CIMAP1D: variants seen among roughly 807,000 people sequenced by gnomAD.
CIMAP1D encodes the protein CIMAP1 family member D.
the CIMAP1D span, among the ~76,000 whole-genome samples, chr19:476,398 C>T: frequency 1.3e-5 from 2 of 151,960 alleles, no homozygotes; most frequent in Admixed American, 1.3e-4. Context: ...CCATGTTGGC[C>T]AGGCTGGTTT....
At chr19:486,758 C>CA in the CIMAP1D span, among the ~76,000 whole-genome samples, 157 of 151,674 alleles carry the variant, frequency 1.0e-3, no homozygotes, top group African/African-American at 3.5e-3. Context: ...ACTAAAAATA[C>CA]AAAAAATTAG....
the CIMAP1D span, among the ~76,000 whole-genome samples, chr19:483,138 G>A: frequency 6.6e-6 from 1 of 152,048 alleles, no homozygotes; most frequent in South Asian, 2.1e-4. Context: ...GGCACCTCCA[G>A]ACCCATGCTG....
At chr19:472,604 A>C in the CIMAP1D span, 6 of 808,088 alleles carry the variant, frequency 7.4e-6, no homozygotes, top group Non-Finnish European at 9.2e-6. Context: ...CTCTCCCTCC[A>C]TGGTGAGGAT....
At chr19:463,718 C>G in the CIMAP1D span, 1 of 1,359,218 alleles carries the variant, frequency 7.4e-7, no homozygotes, top group Non-Finnish European at 9.9e-7. Context: ...AGGACCTGGA[C>G]AGTTCAGGAA....
At chr19:474,866 C>A in the CIMAP1D span, 2 of 834,808 alleles carry the variant, frequency 2.4e-6, no homozygotes, top group Non-Finnish European at 3.4e-6. Context: ...TCACCACACC[C>A]TCCCACGACC....
chr19:464,292 G>A, the CIMAP1D span: 40 of 1,541,934 alleles, frequency 2.6e-5, no homozygotes, highest in Admixed American at 4.2e-5. Context: ...GGTGAAAGCC[G>A]GCGGTGTCCG....
chr19:475,915 A>C, the CIMAP1D span, among the ~76,000 whole-genome samples: 1 of 148,428 alleles, frequency 6.7e-6, no homozygotes, highest in Non-Finnish European at 1.5e-5. Context: ...CTGAGATTAC[A>C]GGCACCCGCC....
At chr19:490,361 AAAAAG>A in the CIMAP1D span, 4 of 191,162 alleles carry the variant, frequency 2.1e-5, no homozygotes, top group East Asian at 4.2e-4. Flanking sequence ...CAGCTAAAAA[AAAAAG>A]AAAGAAAGAA....
At chr19:474,625 C>T in the CIMAP1D span, 1 of 1,562,952 alleles carries the variant, frequency 6.4e-7, no homozygotes, top group Non-Finnish European at 8.7e-7. Flanking sequence ...ACGCACCGTT[C>T]TCCAGGGTGG....
At chr19:480,509 ATG>A in the CIMAP1D span, among the ~76,000 whole-genome samples, 47 of 132,942 alleles carry the variant, frequency 3.5e-4, no homozygotes, top group African/African-American at 1.4e-3. Flanking sequence ...ATGGAGAAGG[ATG>A]ATGGGGAAGG....
the CIMAP1D span, among the ~76,000 whole-genome samples, chr19:483,649 C>T: frequency 6.6e-6 from 1 of 152,202 alleles, no homozygotes. Context: ...TGCCGCTAGG[C>T]ACCCTGCAGT....
chr19:465,147 G>A, the CIMAP1D span, among the ~76,000 whole-genome samples: 90 of 124,250 alleles, frequency 7.2e-4, no homozygotes, highest in Non-Finnish European at 1.1e-3. Flanking sequence ...GGATGGATGG[G>A]TGGGTGGGTG....
At chr19:474,922 G>C in the CIMAP1D span, 2 of 506,368 alleles carry the variant, frequency 3.9e-6, no homozygotes, top group African/African-American at 2.0e-5. Context: ...GAGTCGTGGG[G>C]CCCTGGCCCA....
At chr19:490,915 A>G in the CIMAP1D span, among the ~76,000 whole-genome samples, 1 of 152,248 alleles carries the variant, frequency 6.6e-6, no homozygotes, top group Non-Finnish European at 1.5e-5. Flanking sequence ...CCTGACCAAT[A>G]TGGTGAAACC....
At chr19:483,597 C>T in the CIMAP1D span, among the ~76,000 whole-genome samples, 348 of 152,350 alleles carry the variant, frequency 2.3e-3, 5 homozygotes, top group Non-Finnish European at 3.7e-3. Context: ...GTGGTCGTCA[C>T]GACTGGGGGA....
chr19:480,686 G>A, the CIMAP1D span, among the ~76,000 whole-genome samples: 2 of 102,226 alleles, frequency 2.0e-5, no homozygotes, highest in African/African-American at 8.6e-5. Flanking sequence ...GATGGAGAAC[G>A]ATGATGGAGA....
the CIMAP1D span, chr19:464,141 GGGGGGGGT>G: frequency 2.1e-6 from 1 of 484,686 alleles, no homozygotes; most frequent in Non-Finnish European, 3.7e-6. Flanking sequence ...GGGGGCGGGC[GGGGGGGGT>G]GCGGCCCACC....
the CIMAP1D span, among the ~76,000 whole-genome samples, chr19:479,466 G>A: frequency 2.7e-5 from 4 of 145,808 alleles, no homozygotes; most frequent in Non-Finnish European, 6.0e-5. Flanking sequence ...GTGCAGTGGC[G>A]CCATCTCAGC....
the CIMAP1D span, among the ~76,000 whole-genome samples, chr19:485,971 G>A: frequency 0.021 from 3,249 of 152,256 alleles, 104 homozygotes; most frequent in African/African-American, 0.073. Context: ...GCTGCTGCCC[G>A]CCCCTTTGTT....
Sources: gnomAD v4.1 joint callset for allele counts (sites outside exome capture counted in the v4.1 genomes callset) on GRCh38, gnomAD v4.1.1 for gene constraint, MANE v1.5 for transcripts, NCBI Gene and HGNC (gene_info 2026-07-23, HGNC 2026-07-21) for gene names.